Variants in OR14I1 observed in about 807,000 individuals in gnomAD.
OR14I1 encodes olfactory receptor 14I1.
For missense variants in OR14I1, 279 were observed against 181.8 expected, an observed-to-expected ratio of 1.53 and a Z score of -3.07; for synonymous variants, 118 against 71.1, an observed-to-expected ratio of 1.66 and a Z score of -3.32.
chr1:248,689,141 T>C, the OR14I1 span, among the ~76,000 whole-genome samples: 2 of 152,230 alleles, frequency 1.3e-5, no homozygotes, highest in African/African-American at 4.8e-5. Context: ...CAAGGAGGTC[T>C]TCTCAGTCCC....
At chr1:248,679,403 T>A (rs1466690785), downstream of OR14I1, among the ~76,000 whole-genome samples, 2 of 151,562 alleles carry the variant, frequency 1.3e-5, no homozygotes, top group Non-Finnish European at 2.9e-5. Context: ...ATAATATATA[T>A]TGTAATATAT....
At chr1:248,694,362 A>G in the OR14I1 span, among the ~76,000 whole-genome samples, 771 of 152,352 alleles carry the variant, frequency 5.1e-3, 8 homozygotes, top group South Asian at 0.026. Flanking sequence ...AAAAATAAAT[A>G]ATATATGCCT....
At chr1:248,690,627 C>CAGCAA in the OR14I1 span, among the ~76,000 whole-genome samples, 1 of 127,340 alleles carries the variant, frequency 7.9e-6, no homozygotes, top group Non-Finnish European at 1.6e-5. Flanking sequence ...AAAAAAAGCC[C>CAGCAA]AGGAACAGAC....
the OR14I1 span, among the ~76,000 whole-genome samples, chr1:248,702,435 A>G: frequency 6.6e-6 from 1 of 152,090 alleles, no homozygotes; most frequent in Non-Finnish European, 1.5e-5. Context: ...CTATCTATTT[A>G]TTGTCCCTCT....
upstream of OR14I1, chr1:248,682,397 T>G (rs1248599504): frequency 2.5e-5 from 15 of 611,682 alleles, no homozygotes; most frequent in Admixed American, 3.9e-4. Context: ...AGGAGTAATA[T>G]CCTCCTAAAT....
At chr1:248,698,082 G>A in the OR14I1 span, among the ~76,000 whole-genome samples, 1 of 152,168 alleles carries the variant, frequency 6.6e-6, no homozygotes. Context: ...CTCTTTACCT[G>A]CTCACTTCCT....
downstream of OR14I1, chr1:248,681,301 T>A: frequency 1.7e-6 from 1 of 603,610 alleles, no homozygotes; most frequent in Non-Finnish European, 3.0e-6. Context: ...TCATCTTTTT[T>A]TGTCATAAAG....
At chr1:248,690,563 G>A in the OR14I1 span, among the ~76,000 whole-genome samples, 4 of 110,144 alleles carry the variant, frequency 3.6e-5, no homozygotes, top group African/African-American at 1.4e-4. Context: ...CCAGTAACAA[G>A]TTCTGAAATC....
downstream of OR14I1, among the ~76,000 whole-genome samples, chr1:248,678,811 G>C (rs1661516384): frequency 6.6e-6 from 1 of 151,718 alleles, no homozygotes; most frequent in African/African-American, 2.4e-5. Context: ...CAACAGTTTG[G>C]GAAAGAAGAT....
upstream of OR14I1, among the ~76,000 whole-genome samples, chr1:248,683,210 GT>G (rs909979052): frequency 4.6e-5 from 7 of 152,072 alleles, no homozygotes; most frequent in Non-Finnish European, 7.4e-5. Context: ...TGCATTCTAA[GT>G]TTTTTTCATA....
At chr1:248,698,601 G>A in the OR14I1 span, among the ~76,000 whole-genome samples, 1 of 152,184 alleles carries the variant, frequency 6.6e-6, no homozygotes, top group Non-Finnish European at 1.5e-5. Context: ...ATGTAAGTTG[G>A]AAAAAAGTTC....
chr1:248,680,237 T>G (rs1020794774), downstream of OR14I1, among the ~76,000 whole-genome samples: 2 of 152,210 alleles, frequency 1.3e-5, no homozygotes, highest in African/African-American at 4.8e-5. Flanking sequence ...TTTTACAAAT[T>G]TTTATTTGGC....
At chr1:248,679,137 G>A (rs1307884836), downstream of OR14I1, among the ~76,000 whole-genome samples, 3 of 152,100 alleles carry the variant, frequency 2.0e-5, no homozygotes, top group South Asian at 2.1e-4. Context: ...GAATGCCAGG[G>A]GCTCTGGATC....
chr1:248,700,110 C>T, the OR14I1 span, among the ~76,000 whole-genome samples: 2 of 152,182 alleles, frequency 1.3e-5, no homozygotes, highest in Non-Finnish European at 1.5e-5. Context: ...AATTAGAATG[C>T]GCATCCTAGG....
chr1:248,682,201 G>A (rs924568786), exon 1 of OR14I1: 4 of 780,896 alleles, frequency 5.1e-6, no homozygotes, highest in South Asian at 4.0e-5. Context: ...CACCAGCACT[G>A]CCAGATAAAT....
chr1:248,685,850 A>G (rs999729235), upstream of OR14I1, among the ~76,000 whole-genome samples: 1 of 151,616 alleles, frequency 6.6e-6, no homozygotes, highest in African/African-American at 2.4e-5. Context: ...AAGTTATTAA[A>G]TTAATATTTT....
the OR14I1 span, among the ~76,000 whole-genome samples, chr1:248,693,858 T>A: frequency 6.7e-6 from 1 of 150,154 alleles, no homozygotes; most frequent in Non-Finnish European, 1.5e-5. Flanking sequence ...ACTTGCCTGG[T>A]ATGCTCTGCA....
At chr1:248,699,514 AG>A in the OR14I1 span, among the ~76,000 whole-genome samples, 1 of 152,128 alleles carries the variant, frequency 6.6e-6, no homozygotes, top group Non-Finnish European at 1.5e-5. Flanking sequence ...GTGGAGGCTA[AG>A]ATGCAGTAGC....
At chr1:248,680,595 G>T (rs1661540843), downstream of OR14I1, among the ~76,000 whole-genome samples, 1 of 152,272 alleles carries the variant, frequency 6.6e-6, no homozygotes, top group African/African-American at 2.4e-5. Context: ...TAATGACAAT[G>T]GCGATGATGA....
Sources: gnomAD v4.1 joint callset for allele counts (sites outside exome capture counted in the v4.1 genomes callset) on GRCh38, gnomAD v4.1.1 for gene constraint, MANE v1.5 for transcripts, NCBI Gene and HGNC (gene_info 2026-07-23, HGNC 2026-07-21) for gene names.